Variants in CNTN5 observed in about 807,000 individuals in gnomAD.
CNTN5 encodes the protein contactin-5.
In CNTN5, 77 loss-of-function variants were observed where a neutral mutation model predicts 129.1. The ratio of observed to expected loss-of-function variants is 0.60; its 90% confidence interval spans 0.50 to 0.72. The LOEUF (loss-of-function observed/expected upper bound fraction) is 0.72. Among genes scored for constraint, CNTN5 ranks in the 30% least tolerant of loss-of-function variants. The probability of loss-of-function intolerance (pLI) is 0.00; values close to 1 mark genes in which losing one functional copy is unlikely to be tolerated. For synonymous variants in CNTN5, 509 were observed against 465.6 expected, an observed-to-expected ratio of 1.09 and a Z score of -1.20; for missense variants, 1,478 against 1,328.8, an observed-to-expected ratio of 1.11 and a Z score of -1.75.
rs923656742 is a variant in CNTN5, at chr11:99,484,706, C to CA, written c.-70-71429dup. Among the ~76,000 whole-genome samples, 176 of 143,952 alleles carry CA rather than the reference C, an allele frequency of 1.2e-3. 1 individual carries two copies. The highest frequency in any genetic ancestry group is 5.3e-3 in the East Asian group (26 of 4,944). 94.4% of individuals were successfully genotyped at this position (143,952 alleles called of 152,430 possible). On this transcript the variant is annotated intron_variant, in intron 2 of 24. Coordinates refer to ENST00000524871, the MANE Select transcript of CNTN5 (RefSeq NM_014361.4). ...TACACCATAGAATACTAGTCAGCTA[C>CA]AAAAAAAAAAGGTGAAATAATCATT... is the stretch of plus-strand genomic sequence containing the variant.
At chr11:99,654,095 T>G (rs1952259423) in intron 3 of CNTN5, among the ~76,000 whole-genome samples, 1 of 152,078 alleles carries the variant, frequency 6.6e-6, no homozygotes, top group African/African-American at 2.4e-5. Flanking sequence ...AAACAAGCAG[T>G]GAAAGCACAA....
intron 6 of CNTN5, 149 bp downstream of exon 6, chr11:99,845,411 C>CAT (rs1947656942): frequency 2.3e-5 from 9 of 385,668 alleles, no homozygotes; most frequent in Non-Finnish European, 3.5e-5. Context: ...CTCGCTCTGT[C>CAT]GCCCAGGCTG....
chr11:100,035,162 C>T lies in CNTN5; in HGVS notation c.981-26050C>T, dbSNP rs192405962. On this transcript the variant is annotated intron_variant, in intron 9 of 24. Coordinates refer to ENST00000524871, the MANE Select transcript of CNTN5 (RefSeq NM_014361.4). ...ACAGTCCCCGATGTGTGATGTTCCC[C>T]TTCCTGTGTCCATGTGTTCCATTGT... 1.6e-3 allele frequency among the ~76,000 whole-genome samples: 247 copies of T among 152,182 alleles called. 6 individuals carry two copies. In the East Asian group the frequency reaches 0.043, roughly 26 times the overall value.
chr11:99,248,476 A>G (rs1861931959), intron 1 of CNTN5, among the ~76,000 whole-genome samples: 1 of 151,856 alleles, frequency 6.6e-6, no homozygotes, highest in Non-Finnish European at 1.5e-5. Flanking sequence ...ATTAGATCCC[A>G]TTTGTCAATT....
At chr11:100,281,233 T>C (rs575841657) in intron 18 of CNTN5, among the ~76,000 whole-genome samples, 78 of 152,296 alleles carry the variant, frequency 5.1e-4, no homozygotes, top group African/African-American at 1.9e-3. Flanking sequence ...TCCTTTTCTT[T>C]CTGATTGAAG....
intron 2 of CNTN5, among the ~76,000 whole-genome samples, chr11:99,460,004 G>C (rs954133196): frequency 6.6e-6 from 1 of 151,866 alleles, no homozygotes; most frequent in South Asian, 2.1e-4. Context: ...AAAAAACTGG[G>C]TGATTTAGTT....
chr11:99,816,351 A>G (rs908693191), intron 3 of CNTN5, among the ~76,000 whole-genome samples: 2 of 152,108 alleles, frequency 1.3e-5, no homozygotes, highest in African/African-American at 4.8e-5. Flanking sequence ...TTACCATTTC[A>G]TAATCTCTCT....
In CNTN5 at chr11:99,891,379, G is replaced by A. The variant is rs189062017; in HGVS notation, c.578-24675G>A. On this transcript the variant is annotated intron_variant, in intron 6 of 24. Transcript: ENST00000524871. ...AAGTTCTGGGGCACTAGTTCAGAAC[G>A]TGCAGATTTGTTACATAGGTATACA... is the stretch of plus-strand genomic sequence containing the variant. Among the ~76,000 whole-genome samples the A allele has an allele frequency of 9.9e-5, 15 of 151,842 alleles. No homozygotes were observed. In the East Asian group the frequency reaches 2.1e-3, roughly 22 times the overall value.
intron 8 of CNTN5, among the ~76,000 whole-genome samples, chr11:99,970,060 C>A (rs1591501826): frequency 6.6e-6 from 1 of 152,130 alleles, no homozygotes; most frequent in Non-Finnish European, 1.5e-5. Context: ...GTCAATTAGA[C>A]TCCTAATCTC....
rs114096597 is a variant in CNTN5 at position 99,669,729 on chromosome 11, C to T, written c.55+113460C>T. ...GGAATATCTGGTCTCTCTTATCTTA[C>T]CCAGTTCTAGAATTCCGTGATTCTG... On this transcript the variant is annotated intron_variant, in intron 3 of 24. Transcript: ENST00000524871. 2.6e-3 allele frequency among the ~76,000 whole-genome samples: 402 copies of T among 152,202 alleles called. 3 individuals are homozygous for T. Among genetic ancestry groups the T allele is most frequent in the African/African-American group, 9.1e-3 (378 of 41,564 alleles).
intron 2 of CNTN5, among the ~76,000 whole-genome samples, chr11:99,382,494 A>G (rs1053936474): frequency 2.0e-5 from 3 of 152,120 alleles, no homozygotes; most frequent in Non-Finnish European, 2.9e-5. Flanking sequence ...TTAAAATGTG[A>G]TTTACAGTCA....
intron 3 of CNTN5, among the ~76,000 whole-genome samples, chr11:99,581,954 T>C (rs1040085042): frequency 6.6e-6 from 1 of 152,112 alleles, no homozygotes; most frequent in Non-Finnish European, 1.5e-5. Flanking sequence ...GTTTTTGCAG[T>C]GGCTGGTACC....
chr11:99,314,236 G>C (rs915193644), intron 1 of CNTN5, among the ~76,000 whole-genome samples: 6 of 151,924 alleles, frequency 3.9e-5, no homozygotes, highest in Non-Finnish European at 8.8e-5. Flanking sequence ...TACATTGCTA[G>C]CCCAAGTAGG....
In CNTN5 at chr11:100,224,638, C is replaced by G. The variant is rs375827655; in HGVS notation, c.1885-54C>G. On this transcript the variant is annotated intron_variant, in intron 15 of 24. Transcript: ENST00000524871. Reference sequence around the variant, plus strand: ...TATGCAAAGTTCCCCCTTAAGCCACCTTGAACTAGGCAGATTTGCAACATT... The same window carrying G: ...TATGCAAAGTTCCCCCTTAAGCCACGTTGAACTAGGCAGATTTGCAACATT... The G allele has an allele frequency of 6.0e-5, 94 of 1,563,798 alleles. 1 individual carries two copies. In the South Asian group the frequency reaches 1.1e-3, roughly 17 times the overall value.
chr11:99,835,006 T>C (rs1197520126), intron 4 of CNTN5, among the ~76,000 whole-genome samples: 1 of 152,156 alleles, frequency 6.6e-6, no homozygotes, highest in African/African-American at 2.4e-5. Context: ...CTACCTTCCA[T>C]GTTTCAGTTA....
chr11:99,511,293 G>A (rs1013315539), intron 2 of CNTN5, among the ~76,000 whole-genome samples: 6 of 151,950 alleles, frequency 3.9e-5, no homozygotes, highest in Non-Finnish European at 5.9e-5. Context: ...CCTTCATTTC[G>A]TTACGTACCC....
intron 13 of CNTN5, among the ~76,000 whole-genome samples, chr11:100,182,521 T>G (rs1948168869): frequency 6.6e-6 from 1 of 152,080 alleles, no homozygotes; most frequent in African/African-American, 2.4e-5. Flanking sequence ...CATATGAATT[T>G]GAGGCAGACA....
Position 100,356,339 on chromosome 11 carries a change from A to G in CNTN5, c.*119A>G. On this transcript the variant is annotated 3_prime_UTR_variant, in exon 25 of 25. Transcript: ENST00000524871. Reference sequence around the variant, plus strand: ...GCTTGAGCTTTAAAAACTTGGGACTATACATGGTGAACTTACAGGAGGTTA... The same window carrying G: ...GCTTGAGCTTTAAAAACTTGGGACTGTACATGGTGAACTTACAGGAGGTTA... The G allele has an allele frequency of 2.8e-6, 2 of 713,012 alleles. No individual in the cohort carries two copies. Among genetic ancestry groups the G allele is most frequent in the South Asian group, 3.2e-5 (2 of 62,670 alleles). The allele number at this position is 713,012 out of a possible 1,614,324, so 44.2% of individuals were successfully genotyped here. A position where few individuals can be genotyped will look rare whatever the true frequency, so the allele number is the denominator to read the frequency against.
intron 2 of CNTN5, among the ~76,000 whole-genome samples, chr11:99,365,921 G>A (rs1022242958): frequency 6.6e-6 from 1 of 152,170 alleles, no homozygotes. Flanking sequence ...TTCTGGTGAT[G>A]TGTTATGGAT....
Sources: allele counts gnomAD v4.1 joint callset (sites outside exome capture counted in the v4.1 genomes callset), GRCh38; gene constraint gnomAD v4.1.1; transcripts MANE v1.5; gene names NCBI Gene and HGNC (gene_info 2026-07-23, HGNC 2026-07-21).